ZC3H13: variants seen among roughly 807,000 people sequenced by gnomAD.
ZC3H13 encodes the protein zinc finger CCCH domain-containing protein 13.
ZC3H13 carries 64 observed loss-of-function variants against 204.1 expected under a neutral mutation model. That is an observed-to-expected ratio of 0.31 (90% CI 0.26 to 0.39). ZC3H13 has a LOEUF of 0.39. Among genes scored for constraint, ZC3H13 ranks in the 10% least tolerant of loss-of-function variants. The probability of loss-of-function intolerance (pLI) is 1.00; values close to 1 mark genes in which losing one functional copy is unlikely to be tolerated. For synonymous variants in ZC3H13, 667 were observed against 693.7 expected, an observed-to-expected ratio of 0.96 and a Z score of 0.60; for missense variants, 1,833 against 2,082.7, an observed-to-expected ratio of 0.88 and a Z score of 2.33.
intron 5 of ZC3H13, among the ~76,000 whole-genome samples, chr13:46,015,114 A>G (rs561204174): frequency 6.6e-6 from 1 of 152,278 alleles, no homozygotes; most frequent in Admixed American, 6.5e-5. Flanking sequence ...TTCTATTTCT[A>G]ATAACACCAA....
In ZC3H13 at chr13:45,985,635, G is replaced by A. The variant is rs763533262; in HGVS notation, c.1382C>T (p.Ala461Val). ...TTCCCTTCGGTCCCTAGTATCTCTG[G>A]CATCTCTCCGATCCCGACCATCTCG... is the stretch of plus-strand genomic sequence containing the variant. ...EPRDGRDRRDARDTRDRRELR... is the reference protein window; with the variant it reads ...EPRDGRDRRDVRDTRDRRELR... The change falls in exon 10 of 19, where the codon GCC becomes GTC. Residue 461 changes from alanine to valine, a missense_variant. Ala to Val is a moderately conservative substitution (Grantham distance 64, BLOSUM62 0). Transcript: ENST00000679008. The A allele has an allele frequency of 3.1e-6, 5 of 1,613,552 alleles. 1 individual carries two copies. In the South Asian group the frequency reaches 5.5e-5, roughly 18 times the overall value.
intron 17 of ZC3H13, among the ~76,000 whole-genome samples, chr13:45,961,969 TTC>T (rs1358733915): frequency 5.3e-5 from 8 of 152,214 alleles, no homozygotes; most frequent in South Asian, 2.1e-4. Context: ...CTTATAAATT[TTC>T]TGTTTTAAGC....
chr13:45,989,366 T>A (rs73478686), intron 8 of ZC3H13, among the ~76,000 whole-genome samples: 1 of 152,314 alleles, frequency 6.6e-6, no homozygotes, highest in African/African-American at 2.4e-5. Flanking sequence ...TTTTCCAACA[T>A]ACACCATCTA....
In ZC3H13 at chr13:45,959,600, A is replaced by G; in HGVS notation, c.4722T>C (p.Ala1574=). The G allele has an allele frequency of 6.5e-7, 1 of 1,546,710 alleles. No homozygotes were observed. Among genetic ancestry groups the G allele is most frequent in the African/African-American group, 1.4e-5 (1 of 72,878 alleles). The change falls in exon 18 of 19, where the codon GCT becomes GCC. Residue 1574 remains alanine, a synonymous_variant. Transcript: ENST00000679008. The part of the protein sequence containing the change: ...FEHELGALNM[A]ALLRKEERAS... ...CTCTTTCTTCTTTTCGTAGTAATGC[A>G]GCCATATTGAGAGCCCCCAATTCAT...
intron 8 of ZC3H13, among the ~76,000 whole-genome samples, chr13:45,992,623 A>C (rs1352095860): frequency 6.6e-6 from 1 of 152,208 alleles, no homozygotes; most frequent in Non-Finnish European, 1.5e-5. Flanking sequence ...CTTCTGACAT[A>C]ACTGGGTTAA....
chr13:46,033,360 A>G (rs1011685557), intron 4 of ZC3H13, among the ~76,000 whole-genome samples: 37 of 152,088 alleles, frequency 2.4e-4, no homozygotes, highest in African/African-American at 8.4e-4. Context: ...ATATCTTAAG[A>G]ACTATATAGA....
At chr13:46,035,272 C>A (rs1424951041) in intron 4 of ZC3H13, among the ~76,000 whole-genome samples, 1 of 152,208 alleles carries the variant, frequency 6.6e-6, no homozygotes, top group Non-Finnish European at 1.5e-5. Context: ...AGCCTACGTG[C>A]TTCCAGTAGA....
rs1224046062 is a variant in ZC3H13 at position 45,969,942 on chromosome 13, C to T, written c.2602G>A (p.Val868Ile). The change falls in exon 14 of 19, where the codon GTA becomes ATA. Residue 868 changes from valine (V) to isoleucine (I), a missense_variant. Transcript: ENST00000679008. Reference sequence around the variant, plus strand: ...AGAGAACGAGATTCTTGAGGTCGTACAACTTGGCTCAAGAGTCTGTGTTTT... The same window carrying T: ...AGAGAACGAGATTCTTGAGGTCGTATAACTTGGCTCAAGAGTCTGTGTTTT... ...NEKHRLLSQV[V>I]RPQESRSLSP... 2 of 1,611,906 alleles carry T rather than the reference C, an allele frequency of 1.2e-6. No individual in the cohort carries two copies. The highest frequency in any genetic ancestry group is 1.7e-6 in the Non-Finnish European group (2 of 1,179,684).
chr13:46,039,628 A>C (rs1235985809), intron 4 of ZC3H13, among the ~76,000 whole-genome samples: 1 of 152,198 alleles, frequency 6.6e-6, no homozygotes, highest in Non-Finnish European at 1.5e-5. Context: ...GTACTGACTC[A>C]TAAGAGCTGA....
chr13:45,989,250 T>A (rs1264264491), intron 8 of ZC3H13, among the ~76,000 whole-genome samples, 153 bp from the exon 9 acceptor site: 5 of 152,212 alleles, frequency 3.3e-5, no homozygotes, highest in Non-Finnish European at 7.3e-5. Context: ...TCTAAGTAAG[T>A]CACTTTTTTA....
chr13:45,967,088 T>C (rs1439085042), intron 15 of ZC3H13, among the ~76,000 whole-genome samples: 4 of 152,210 alleles, frequency 2.6e-5, no homozygotes, highest in Non-Finnish European at 4.4e-5. Context: ...TATTGTTTCA[T>C]ATATTTGTTC....
chr13:45,985,435 T>G lies in ZC3H13; in HGVS notation c.1582A>C (p.Ser528Arg). The G allele has an allele frequency of 6.2e-7, 1 of 1,614,226 alleles. No homozygotes were observed. Among genetic ancestry groups the G allele is most frequent in the Non-Finnish European group, 8.5e-7 (1 of 1,180,028 alleles). ...TCTCTCAAATGGTTTCGGCCATAAC[T>G]CCGGGATTCTTCTGGATATGTATCC... ...KEDTYPEESR[S>R]YGRNHLREES... The change falls in exon 10 of 19, where the codon AGT (serine) becomes CGT (arginine). Residue 528 changes from serine (S) to arginine (R), a missense_variant. Coordinates refer to ENST00000679008, the MANE Select transcript of ZC3H13 (RefSeq NM_001330564.2).
chr13:45,962,670 T>C, intron 17 of ZC3H13: 5 of 980,092 alleles, frequency 5.1e-6, no homozygotes. Flanking sequence ...GCTAATAGAG[T>C]AAAGGAAGGG....
chr13:46,030,696 C>T (rs1014678840), intron 4 of ZC3H13, among the ~76,000 whole-genome samples: 1 of 151,980 alleles, frequency 6.6e-6, no homozygotes, highest in Non-Finnish European at 1.5e-5. Context: ...TAAAACAATA[C>T]CATTTTCATC....
intron 11 of ZC3H13, 78 bp from the exon 12 acceptor site, chr13:45,975,916 T>A: frequency 7.3e-7 from 1 of 1,378,774 alleles, no homozygotes; most frequent in Non-Finnish European, 9.3e-7. Context: ...AAATCTTAAA[T>A]TTTATCTGTG....
At chr13:46,035,567 C>G (rs1255368039) in intron 4 of ZC3H13, among the ~76,000 whole-genome samples, 1 of 152,144 alleles carries the variant, frequency 6.6e-6, no homozygotes, top group Non-Finnish European at 1.5e-5. Context: ...TACACTGTAC[C>G]TCTACTTATA....
At chr13:45,968,667 T>C (rs1952298095) in intron 14 of ZC3H13, 81 bp downstream of exon 14, 6 of 1,481,574 alleles carry the variant, frequency 4.0e-6, no homozygotes, top group Non-Finnish European at 5.4e-6. Flanking sequence ...GTAACCAATT[T>C]AGCATTACTT....
intron 17 of ZC3H13, among the ~76,000 whole-genome samples, chr13:45,962,018 G>T (rs1047187870): frequency 1.1e-4 from 17 of 152,092 alleles, no homozygotes; most frequent in African/African-American, 4.1e-4. Context: ...TATGAAATAT[G>T]ATTATGTTTT....
chr13:46,044,084 AAAG>A (rs1386279632), intron 3 of ZC3H13, among the ~76,000 whole-genome samples: 1 of 151,880 alleles, frequency 6.6e-6, no homozygotes, highest in Non-Finnish European at 1.5e-5. Flanking sequence ...TTTACGTGAA[AAAG>A]AAGTTGGCTA....
Sources: gnomAD v4.1 joint callset for allele counts (sites outside exome capture counted in the v4.1 genomes callset) on GRCh38, gnomAD v4.1.1 for gene constraint, MANE v1.5 for transcripts, NCBI Gene and HGNC (gene_info 2026-07-23, HGNC 2026-07-21) for gene names.